Variants in CCSER1 observed in about 807,000 individuals in gnomAD.
CCSER1 encodes the protein coiled-coil serine rich protein 1.
CCSER1 carries 41 observed loss-of-function variants against 82.0 expected under a neutral mutation model. The ratio of observed to expected loss-of-function variants is 0.50; its 90% CI spans 0.39 to 0.65. The LOEUF is 0.65. Among genes scored for constraint, CCSER1 ranks in the 30% least tolerant of loss-of-function variants. The pLI, the probability that CCSER1 is intolerant of heterozygous loss-of-function variation, is 0.00. For synonymous variants in CCSER1, 414 were observed against 383.9 expected, an observed-to-expected ratio of 1.08 and a Z score of -0.92; for missense variants, 1,119 against 1,064.2, an observed-to-expected ratio of 1.05 and a Z score of -0.72.
intron 9 of CCSER1, among the ~76,000 whole-genome samples, chr4:91,064,954 A>AT (rs199499930): frequency 1.5e-4 from 22 of 150,440 alleles, no homozygotes; most frequent in East Asian, 3.9e-4. Flanking sequence ...TAGGTTTTCA[A>AT]TTTTTTTTTT....
intron 1 of CCSER1, among the ~76,000 whole-genome samples, chr4:90,183,317 T>G (rs1025099907): frequency 6.6e-6 from 1 of 152,072 alleles, no homozygotes; most frequent in Non-Finnish European, 1.5e-5. Context: ...TTAACCATCT[T>G]GCAGGGGTAA....
chr4:91,218,043 C>T (rs112649413), intron 10 of CCSER1, among the ~76,000 whole-genome samples: 2 of 152,136 alleles, frequency 1.3e-5, no homozygotes, highest in African/African-American at 4.8e-5. Flanking sequence ...GGGGAGGCTC[C>T]GGCCGCACAG....
At chr4:91,364,797 G>A (rs1317337726) in intron 10 of CCSER1, among the ~76,000 whole-genome samples, 1 of 151,930 alleles carries the variant, frequency 6.6e-6, no homozygotes, top group Non-Finnish European at 1.5e-5. Flanking sequence ...ATAAAGTTGT[G>A]GATCTGAGCT....
At chr4:90,625,900 A>T (rs1723167964) in intron 5 of CCSER1, among the ~76,000 whole-genome samples, 1 of 152,204 alleles carries the variant, frequency 6.6e-6, no homozygotes, top group Non-Finnish European at 1.5e-5. Context: ...ATGTTAAATT[A>T]TAATCTCCAG....
chr4:91,283,876 C>G (rs1192431069), intron 10 of CCSER1, among the ~76,000 whole-genome samples: 2 of 152,076 alleles, frequency 1.3e-5, no homozygotes, highest in Non-Finnish European at 2.9e-5. Context: ...AAATTCAGCT[C>G]TGTGTTGTAA....
chr4:90,446,754 T>C (rs1206227906), intron 4 of CCSER1, among the ~76,000 whole-genome samples: 1 of 152,156 alleles, frequency 6.6e-6, no homozygotes, highest in Non-Finnish European at 1.5e-5. Flanking sequence ...GAATGTGCCT[T>C]CCTTTCCTGC....
At chr4:91,082,744 G>T (rs886598855) in intron 9 of CCSER1, among the ~76,000 whole-genome samples, 1 of 151,906 alleles carries the variant, frequency 6.6e-6, no homozygotes, top group Non-Finnish European at 1.5e-5. Context: ...TCAAAAAGTG[G>T]GCGAAGGATA....
intron 5 of CCSER1, among the ~76,000 whole-genome samples, chr4:90,570,545 G>C (rs1457838934): frequency 6.6e-6 from 1 of 152,072 alleles, no homozygotes; most frequent in African/African-American, 2.4e-5. Flanking sequence ...TGGTCCCCTG[G>C]GAGTTGCATG....
At chr4:90,435,786 T>C (rs773048660) in intron 4 of CCSER1, among the ~76,000 whole-genome samples, 1 of 152,100 alleles carries the variant, frequency 6.6e-6, no homozygotes, top group Non-Finnish European at 1.5e-5. Flanking sequence ...CAATGAGTAT[T>C]AAGGTTTATT....
At chr4:91,431,541 C>T (rs969186068) in intron 10 of CCSER1, among the ~76,000 whole-genome samples, 3 of 151,978 alleles carry the variant, frequency 2.0e-5, no homozygotes, top group Admixed American at 6.6e-5. Context: ...GATCTTGGCT[C>T]ACGGCAACCT....
chr4:91,102,977 T>C (rs189834341), intron 10 of CCSER1, among the ~76,000 whole-genome samples: 2 of 152,348 alleles, frequency 1.3e-5, no homozygotes, highest in East Asian at 3.9e-4. Flanking sequence ...ATTTTTTTTC[T>C]GTTTTGGTTT....
chr4:90,689,074 C>G (rs1735332960), intron 6 of CCSER1, among the ~76,000 whole-genome samples: 1 of 152,200 alleles, frequency 6.6e-6, no homozygotes, highest in African/African-American at 2.4e-5. Context: ...TTAGAGATGG[C>G]AGTTCTTCTT....
intron 5 of CCSER1, among the ~76,000 whole-genome samples, chr4:90,613,288 A>G (rs1720594771): frequency 6.6e-6 from 1 of 152,192 alleles, no homozygotes; most frequent in African/African-American, 2.4e-5. Flanking sequence ...GAGAACTGAG[A>G]TAGAAGCAGG....
intron 10 of CCSER1, among the ~76,000 whole-genome samples, chr4:91,279,482 A>G (rs1742746167): frequency 6.6e-6 from 1 of 151,786 alleles, no homozygotes; most frequent in African/African-American, 2.4e-5. Flanking sequence ...TTTCAAAAGA[A>G]CTGTCTTCAA....
chr4:91,420,576 C>T (rs1266466127), intron 10 of CCSER1, among the ~76,000 whole-genome samples: 2 of 151,936 alleles, frequency 1.3e-5, no homozygotes, highest in African/African-American at 4.8e-5. Context: ...GCAGGGAACC[C>T]TTATATGATG....
chr4:91,418,303 T>TTAAAA (rs377360118), intron 10 of CCSER1, among the ~76,000 whole-genome samples: 1 of 113,636 alleles, frequency 8.8e-6, no homozygotes, highest in Admixed American at 8.7e-5. Flanking sequence ...ATTTTTTAAT[T>TTAAAA]AAAAAAAAAA....
chr4:91,096,295 A>AG (rs1724505398), intron 10 of CCSER1, among the ~76,000 whole-genome samples: 1 of 152,028 alleles, frequency 6.6e-6, no homozygotes, highest in South Asian at 2.1e-4. Context: ...GCTCAGGAGT[A>AG]GGGGGCCTTT....
chr4:91,536,491 T>C (rs1761303300), intron 10 of CCSER1, among the ~76,000 whole-genome samples: 1 of 152,076 alleles, frequency 6.6e-6, no homozygotes, highest in Non-Finnish European at 1.5e-5. Flanking sequence ...CCTAGGAATT[T>C]GAATTATATT....
At chr4:90,651,527 C>A (rs181137330) in intron 6 of CCSER1, among the ~76,000 whole-genome samples, 2 of 151,866 alleles carry the variant, frequency 1.3e-5, no homozygotes, top group African/African-American at 2.4e-5. Context: ...CATCACACAC[C>A]GGGGTCTGTC....
Sources: gnomAD v4.1 joint callset for allele counts (sites outside exome capture counted in the v4.1 genomes callset) on GRCh38, gnomAD v4.1.1 for gene constraint, MANE v1.5 for transcripts, NCBI Gene and HGNC (gene_info 2026-07-23, HGNC 2026-07-21) for gene names.